SLC25A24: variants seen among roughly 807,000 people sequenced by gnomAD.
The protein encoded by SLC25A24 is solute carrier family 25 member 24, also known as mitochondrial adenyl nucleotide antiporter SLC25A24.
In SLC25A24, 49 loss-of-function variants were observed where a neutral mutation model predicts 60.7. The ratio of observed to expected loss-of-function variants is 0.81; its 90% confidence interval spans 0.64 to 1.02. The LOEUF (loss-of-function observed/expected upper bound fraction) is 1.02. Among genes scored for constraint, SLC25A24 ranks in the 50% least tolerant of loss-of-function variants. The pLI is 0.00. For missense variants in SLC25A24, 564 were observed against 586.3 expected, an observed-to-expected ratio of 0.96 and a Z score of 0.39; for synonymous variants, 202 against 200.6, an observed-to-expected ratio of 1.01 and a Z score of -0.06.
rs182397993 is a variant in SLC25A24 at position 108,134,603 on chromosome 1, T to C, written c.*2050A>G. On this transcript the variant is annotated 3_prime_UTR_variant, in exon 10 of 10. Transcript: ENST00000565488. Reference sequence around the variant, plus strand: ...TATCACCTTGTGTCAAAATGCATCATACAGACAATATCTACAAGGGCTGCT... The same window carrying C: ...TATCACCTTGTGTCAAAATGCATCACACAGACAATATCTACAAGGGCTGCT... 10 of 152,250 alleles carry C rather than the reference T, an allele frequency of 6.6e-5. No homozygotes were observed. The highest frequency in any genetic ancestry group is 1.3e-4 in the Admixed American group (2 of 15,290). The allele number at this position is 152,250 out of a possible 1,614,324, so 9.4% of individuals were successfully genotyped here. A position where few individuals can be genotyped will look rare whatever the true frequency, so the allele number is the denominator to read the frequency against.
At chr1:108,148,865 C>T (rs901724520) in intron 6 of SLC25A24, among the ~76,000 whole-genome samples, 3 of 152,162 alleles carry the variant, frequency 2.0e-5, no homozygotes, top group Non-Finnish European at 4.4e-5. Context: ...TGATGTGTCT[C>T]GAAATGTATA....
chr1:108,157,762 A>T, intron 4 of SLC25A24, 142 bp from the exon 5 acceptor site: 1 of 852,792 alleles, frequency 1.2e-6, no homozygotes, highest in Non-Finnish European at 1.8e-6. Context: ...ATTTGAGTAC[A>T]TAGATTATAA....
chr1:108,154,655 T>A (rs1571285663), intron 6 of SLC25A24, among the ~76,000 whole-genome samples: 1 of 152,194 alleles, frequency 6.6e-6, no homozygotes. Flanking sequence ...GAGGTTAGAT[T>A]GTGACACTTT....
chr1:108,162,528 A>G (rs1257115362), intron 3 of SLC25A24, among the ~76,000 whole-genome samples: 3 of 149,994 alleles, frequency 2.0e-5, no homozygotes, highest in Non-Finnish European at 4.5e-5. Flanking sequence ...TTTGATTTGC[A>G]TTTCTCTGAT....
chr1:108,198,049 C>T (rs1648548415), intron 1 of SLC25A24, among the ~76,000 whole-genome samples: 1 of 152,208 alleles, frequency 6.6e-6, no homozygotes, highest in South Asian at 2.1e-4. Context: ...CTTCTTCACA[C>T]ATGTCCACTT....
At chr1:108,152,794 A>G (rs1439723445) in intron 6 of SLC25A24, among the ~76,000 whole-genome samples, 3 of 152,248 alleles carry the variant, frequency 2.0e-5, no homozygotes, top group African/African-American at 7.2e-5. Flanking sequence ...GGAAGCTCAC[A>G]GTCTCACAAA....
At chr1:108,175,321 C>T (rs1228984811) in intron 3 of SLC25A24, among the ~76,000 whole-genome samples, 1 of 152,074 alleles carries the variant, frequency 6.6e-6, no homozygotes, top group Admixed American at 6.5e-5. Flanking sequence ...TCCCTCTTTG[C>T]TAGGCACTGC....
In SLC25A24 at chr1:108,185,456, C is replaced by T. The variant is rs80037046; in HGVS notation, c.310+372G>A. 6.7e-3 allele frequency among the ~76,000 whole-genome samples: 1,013 copies of T among 152,154 alleles called. 8 individuals are homozygous for T. The highest frequency in any genetic ancestry group is 0.023 in the African/African-American group (968 of 41,526). Reference sequence around the variant, plus strand: ...TTTAGATGACACAACTGTCATTCTTCTATACAAATAAAAAGAAATCTCATT... The same window carrying T: ...TTTAGATGACACAACTGTCATTCTTTTATACAAATAAAAAGAAATCTCATT... On this transcript the variant is annotated intron_variant, in intron 2 of 9. Coordinates refer to ENST00000565488, the MANE Select transcript of SLC25A24 (RefSeq NM_013386.5).
At chr1:108,171,193 T>C (rs1052967649) in intron 3 of SLC25A24, among the ~76,000 whole-genome samples, 2 of 152,008 alleles carry the variant, frequency 1.3e-5, no homozygotes, top group African/African-American at 4.8e-5. Flanking sequence ...TATACTCAAC[T>C]ACTACAGTTT....
At chr1:108,165,396 G>T (rs1428595394) in intron 3 of SLC25A24, among the ~76,000 whole-genome samples, 2 of 144,744 alleles carry the variant, frequency 1.4e-5, no homozygotes, top group Non-Finnish European at 3.0e-5. Context: ...AGTGGGGTGT[G>T]AAAGTCTCCC....
intron 1 of SLC25A24, among the ~76,000 whole-genome samples, chr1:108,189,557 G>A (rs550500537): frequency 0.02 from 3,122 of 152,302 alleles, 36 homozygotes; most frequent in African/African-American, 0.037. Context: ...GCTCACGCCT[G>A]TAATCCCAGC....
At chr1:108,190,428 C>A (rs1032806990) in intron 1 of SLC25A24, among the ~76,000 whole-genome samples, 1 of 152,124 alleles carries the variant, frequency 6.6e-6, no homozygotes, top group African/African-American at 2.4e-5. Flanking sequence ...CTAGAGATAG[C>A]AACCTGACTT....
intron 3 of SLC25A24, among the ~76,000 whole-genome samples, chr1:108,178,283 T>C (rs1257366674): frequency 6.6e-6 from 1 of 152,166 alleles, no homozygotes; most frequent in Non-Finnish European, 1.5e-5. Flanking sequence ...CCTTCAGCAA[T>C]AGACAAATCA....
chr1:108,197,119 C>T (rs373565921), intron 1 of SLC25A24, among the ~76,000 whole-genome samples: 13 of 152,122 alleles, frequency 8.5e-5, no homozygotes, highest in African/African-American at 2.7e-4. Flanking sequence ...AAAAATGTAG[C>T]GCTTTCACTT....
At chr1:108,178,169 C>A (rs1208207600) in intron 3 of SLC25A24, among the ~76,000 whole-genome samples, 1 of 151,346 alleles carries the variant, frequency 6.6e-6, no homozygotes, top group African/African-American at 2.4e-5. Context: ...TCAAAAACAA[C>A]AACAACAACA....
At chr1:108,157,718 A>G in intron 4 of SLC25A24, 98 bp from the exon 5 acceptor site, 6 of 1,328,722 alleles carry the variant, frequency 4.5e-6, no homozygotes, top group Non-Finnish European at 6.3e-6. Context: ...TACAGTTAAT[A>G]TGAACTTCAT....
intron 7 of SLC25A24, among the ~76,000 whole-genome samples, chr1:108,147,084 A>T (rs931506820): frequency 6.6e-6 from 1 of 152,118 alleles, no homozygotes; most frequent in Admixed American, 6.5e-5. Flanking sequence ...TACTGCCTCA[A>T]TTTCAGAACA....
rs530981056 is a variant in SLC25A24, at chr1:108,155,130, G to A, written c.675C>T (p.His225=). 47 of 1,604,088 alleles carry A rather than the reference G, an allele frequency of 2.9e-5. No homozygotes were observed. Among genetic ancestry groups the A allele is most frequent in the East Asian group, 6.8e-5 (3 of 44,382 alleles). ...LDRLKIMMQV[H]GSKSDKMNIF... is the part of the protein sequence containing the mutation. ...TGTTCATTTTGTCTGATTTTGAACC[G>A]TGAACCTAAAAATAAAAGCAGAATG... Residue 225 remains histidine, a synonymous_variant, in exon 6 of 10, where the codon CAC becomes CAT. Transcript: ENST00000565488.
chr1:108,199,656 G>C, intron 1 of SLC25A24: 1 of 508,058 alleles, frequency 2.0e-6, no homozygotes, highest in Non-Finnish European at 3.4e-6. Context: ...AAAGAACCTG[G>C]GATGGATTCA....
Sources: allele counts gnomAD v4.1 joint callset (sites outside exome capture counted in the v4.1 genomes callset), GRCh38; gene constraint gnomAD v4.1.1; transcripts MANE v1.5; gene names NCBI Gene and HGNC (gene_info 2026-07-23, HGNC 2026-07-21).